RASL12: variants seen among roughly 807,000 people sequenced by gnomAD.
RASL12 encodes ras-like protein family member 12.
A neutral mutation model predicts 22.9 loss-of-function variants in RASL12; 16 were observed. The ratio of observed to expected loss-of-function variants is 0.70; its 90% CI spans 0.47 to 1.06. RASL12 has a LOEUF of 1.06. Among genes scored for constraint, RASL12 ranks in the 50% least tolerant of loss-of-function variants. RASL12 has a pLI of 0.00. For missense variants in RASL12, 306 were observed against 353.1 expected (o/e 0.87, Z 1.07); for synonymous variants, 159 against 152.2 (o/e 1.04, Z -0.33).
chr15:65,053,263 C>T (rs138349859), downstream of RASL12: 1,689 of 1,470,926 alleles, frequency 1.1e-3, 1 homozygote, highest in Non-Finnish European at 1.4e-3. Context: ...CCCAAGAAGC[C>T]GCTTTTTTCT....
intron 1 of RASL12, among the ~76,000 whole-genome samples, chr15:65,075,593 C>T (rs1383245506): frequency 1.3e-5 from 2 of 152,170 alleles, no homozygotes; most frequent in African/African-American, 2.4e-5. Flanking sequence ...CACTAATCAG[C>T]ACCCTGTGTC....
chr15:65,053,287 T>TTTC, downstream of RASL12: 1 of 817,492 alleles, frequency 1.2e-6, no homozygotes, highest in Non-Finnish European at 1.6e-6. Flanking sequence ...TCTTTCTTTC[T>TTTC]TTTTTTTTTT....
At chr15:65,070,427 C>T (rs12592433), upstream of RASL12, among the ~76,000 whole-genome samples, 17 of 152,308 alleles carry the variant, frequency 1.1e-4, 1 homozygote, top group Middle Eastern at 3.4e-3. Flanking sequence ...AAGTCATAAC[C>T]GTTTAGTGAC....
At chr15:65,058,648 G>C (rs769068543) in intron 3 of RASL12, 31 bp from the exon 4 acceptor site, 9 of 1,462,724 alleles carry the variant, frequency 6.2e-6, no homozygotes, top group African/African-American at 1.4e-5. Context: ...CCCGCCGGGG[G>C]GCAGAGGAGG....
At position 65,054,157 on chromosome 15, in the gene RASL12, T is replaced by C; in HGVS notation, c.*742A>G. ...TCATTAAGCTTGAGGGAGCTGATGC[T>C]GAGGTTCTTTGGACAGAGTCCTTAA... On this transcript the variant is annotated 3_prime_UTR_variant, in exon 5 of 5. Transcript: ENST00000220062. 1 of 985,974 alleles carries C rather than the reference T, an allele frequency of 1.0e-6. No homozygotes were observed. Among genetic ancestry groups the C allele is most frequent in the Non-Finnish European group, 1.2e-6 (1 of 829,992 alleles). 61.1% of individuals were successfully genotyped at this position (985,974 alleles called of 1,614,324 possible).
chr15:65,068,368 G>A, upstream of RASL12: 1 of 831,400 alleles, frequency 1.2e-6, no homozygotes, highest in Non-Finnish European at 1.5e-6. The surrounding 1 kb of genome is among the most constrained non-coding windows in gnomAD (Gnocchi z 4.2). Context: ...AGCTTCCTGG[G>A]TTCAATTCCA....
upstream of RASL12, among the ~76,000 whole-genome samples, chr15:65,069,756 G>A (rs935178891): frequency 2.6e-5 from 4 of 152,218 alleles, no homozygotes; most frequent in Admixed American, 6.5e-5. Context: ...GAGTGACCAC[G>A]TCAAGGAAGT....
chr15:65,056,713 C>T (rs1468275680), intron 4 of RASL12, among the ~76,000 whole-genome samples: 5 of 152,170 alleles, frequency 3.3e-5, no homozygotes, highest in African/African-American at 1.2e-4. Context: ...ACCCTTTTAA[C>T]AGTGAGACAG....
intron 2 of RASL12, among the ~76,000 whole-genome samples, chr15:65,061,550 G>A (rs1204913165): frequency 1.3e-5 from 2 of 152,174 alleles, no homozygotes; most frequent in East Asian, 1.9e-4. Context: ...TCAAGTCCCT[G>A]CCTCAGAGTA....
At chr15:65,076,227 CTT>C (rs1461628173) in intron 1 of RASL12, among the ~76,000 whole-genome samples, 13 of 152,212 alleles carry the variant, frequency 8.5e-5, no homozygotes, top group African/African-American at 3.1e-4. Context: ...TTCTTTTCCT[CTT>C]TGCAATAAAT....
chr15:65,046,925 AC>A, the RASL12 span, among the ~76,000 whole-genome samples: 1 of 152,098 alleles, frequency 6.6e-6, no homozygotes, highest in East Asian at 1.9e-4. Flanking sequence ...AAAACAAAAA[AC>A]AAAAAAACAC....
Position 65,053,883 on chromosome 15 carries a change from C to T in RASL12, c.*1016G>A. On this transcript the variant is annotated 3_prime_UTR_variant, in exon 5 of 5. Coordinates refer to ENST00000220062, the MANE Select transcript of RASL12 (RefSeq NM_016563.4). The stretch of plus-strand genomic sequence containing the variant: ...TGTCTTGGTATAAGCTGCGGTGACA[C>T]CACCAAATAACATAAGCAAAATTTT... 3.0e-6 allele frequency: 3 copies of T among 985,868 alleles called. No individual in the cohort carries two copies. The highest frequency in any genetic ancestry group is 2.4e-6 in the Non-Finnish European group (2 of 829,954). 61.1% of individuals were successfully genotyped at this position (985,868 alleles called of 1,614,324 possible).
At chr15:65,068,036 G>A, upstream of RASL12, 1 of 1,115,472 alleles carries the variant, frequency 9.0e-7, no homozygotes, top group Non-Finnish European at 1.1e-6. The surrounding 1 kb of genome is among the most constrained non-coding windows in gnomAD (Gnocchi z 4.2). Context: ...GGCGGGCGGG[G>A]CCACCCCAAG....
At chr15:65,060,759 C>T (rs553857118) in intron 2 of RASL12, among the ~76,000 whole-genome samples, 63 of 152,306 alleles carry the variant, frequency 4.1e-4, no homozygotes, top group African/African-American at 5.8e-4. Context: ...TGAGAGGGCA[C>T]GCCCCCAACC....
upstream of RASL12, among the ~76,000 whole-genome samples, chr15:65,069,777 A>G (rs2946638): frequency 9.3e-3 from 1,415 of 152,358 alleles, 25 homozygotes; most frequent in African/African-American, 0.032. Flanking sequence ...GTTAGAGAAG[A>G]GACGCCTTCA....
chr15:65,070,678 T>C (rs2086925373), upstream of RASL12, among the ~76,000 whole-genome samples: 1 of 152,182 alleles, frequency 6.6e-6, no homozygotes, highest in Non-Finnish European at 1.5e-5. Flanking sequence ...TGTGAGGTTT[T>C]CCTGACGGCA....
chr15:65,074,640 A>G (rs1010106633), intron 1 of RASL12, among the ~76,000 whole-genome samples: 1 of 152,088 alleles, frequency 6.6e-6, no homozygotes, highest in African/African-American at 2.4e-5. Context: ...CAGGTGATCA[A>G]CCATTCTCGG....
upstream of RASL12, among the ~76,000 whole-genome samples, chr15:65,072,211 C>T (rs899128886): frequency 2.0e-5 from 3 of 152,162 alleles, no homozygotes; most frequent in Non-Finnish European, 2.9e-5. Context: ...GCCCACCCAT[C>T]CCCCCATCTC....
the RASL12 span, among the ~76,000 whole-genome samples, chr15:65,047,207 A>G: frequency 6.6e-6 from 1 of 151,818 alleles, no homozygotes; most frequent in Non-Finnish European, 1.5e-5. Context: ...GTGGTGGCAC[A>G]TGCCTGTAGT....
Sources: allele counts gnomAD v4.1 joint callset (sites outside exome capture counted in the v4.1 genomes callset), GRCh38; gene constraint gnomAD v4.1.1; non-coding constraint Gnocchi (gnomAD v3.1); transcripts MANE v1.5; gene names NCBI Gene and HGNC (gene_info 2026-07-23, HGNC 2026-07-21).